Variants in SH3GL3 observed in about 807,000 individuals in gnomAD.
SH3GL3 encodes the protein endophilin-A3.
In SH3GL3, 33 loss-of-function variants were observed where a neutral mutation model predicts 47.7. The observed-to-expected ratio is 0.69, with a 90% CI of 0.52 to 0.92. The LOEUF (loss-of-function observed/expected upper bound fraction) is 0.92. Ranked by LOEUF, SH3GL3 falls within the 40% of genes least tolerant of loss-of-function variation. The pLI is 0.00. For missense variants in SH3GL3, 363 were observed against 417.8 expected (o/e 0.87, Z 1.14); for synonymous variants, 155 against 148.8 (o/e 1.04, Z -0.30).
At chr15:83,613,619 AAATCTATCTATC>A (rs2060728270) in intron 8 of SH3GL3, among the ~76,000 whole-genome samples, 1 of 134,190 alleles carries the variant, frequency 7.5e-6, no homozygotes, top group South Asian at 2.5e-4. Context: ...GGAAATATAT[AAATCTATCTATC>A]TATCTATCTA....
intron 1 of SH3GL3, among the ~76,000 whole-genome samples, chr15:83,558,545 A>G (rs1240285894): frequency 6.6e-6 from 1 of 151,828 alleles, no homozygotes; most frequent in Non-Finnish European, 1.5e-5. Flanking sequence ...GGCCTTTAGC[A>G]AGCAGAGACC....
At chr15:83,494,548 C>CT (rs368373522) in intron 1 of SH3GL3, among the ~76,000 whole-genome samples, 274 of 144,728 alleles carry the variant, frequency 1.9e-3, no homozygotes, top group Middle Eastern at 0.011. Context: ...CTTAGTCCCC[C>CT]TTTTTTTTTT....
chr15:83,586,964 T>C lies in SH3GL3; in HGVS notation c.625-19T>C, dbSNP rs1345009916. 6.1e-6 allele frequency: 9 copies of C among 1,476,260 alleles called. No individual in the cohort carries two copies. The highest frequency in any genetic ancestry group is 7.5e-6 in the Non-Finnish European group (8 of 1,066,556). 91.4% of individuals were successfully genotyped at this position (1,476,260 alleles called of 1,614,324 possible). A position where few individuals can be genotyped will look rare whatever the true frequency, so the allele number is the denominator to read the frequency against. On this transcript the variant is annotated intron_variant, in intron 6 of 8. Transcript: ENST00000427482. ...ACAGGCTCGGGCCTCCATGGAATAA[T>C]TTTGCACTTCTGCTGCAGGTAGAAC...
At chr15:83,464,988 TATAATA>T (rs143393694) in intron 1 of SH3GL3, among the ~76,000 whole-genome samples, 3,733 of 141,506 alleles carry the variant, frequency 0.026, 124 homozygotes, top group African/African-American at 0.081. Context: ...GAACTTAAAG[TATAATA>T]ATAATAATAA....
intron 8 of SH3GL3, among the ~76,000 whole-genome samples, chr15:83,603,621 A>C (rs577056806): frequency 6.6e-6 from 1 of 152,156 alleles, no homozygotes; most frequent in Non-Finnish European, 1.5e-5. Context: ...TGCTTTTCCA[A>C]TGCATTAGGA....
intron 1 of SH3GL3, among the ~76,000 whole-genome samples, chr15:83,513,225 C>T (rs542125274): frequency 1.8e-4 from 28 of 152,246 alleles, no homozygotes; most frequent in Admixed American, 1.2e-3. Flanking sequence ...CGAGCTAGAA[C>T]GAGGTCAAGG....
In SH3GL3 at chr15:83,618,266, G is replaced by C. The variant is rs140344678; in HGVS notation, c.1023G>C (p.Val341=). ...TCTTCCCCATTAATTACGTGGAAGTGATCGTGCCTTTACCTCAGTAAATGT... is the reference window on the plus strand; with the variant it reads ...TCTTCCCCATTAATTACGTGGAAGTCATCGTGCCTTTACCTCAGTAAATGT... ...SGFFPINYVE[V]IVPLPQ Residue 341 remains valine (V), a synonymous_variant, in exon 9 of 9, where the codon GTG becomes GTC. Transcript: ENST00000427482. 5 of 1,608,492 alleles carry C rather than the reference G, an allele frequency of 3.1e-6. No homozygotes were observed. Among genetic ancestry groups the C allele is most frequent in the East Asian group, 4.5e-5 (2 of 44,854 alleles).
Position 83,447,500 on chromosome 15 carries a change from T to G in SH3GL3, c.-34T>G. ...GCGGCCGCGTGGCCCAGCCGAGCCT[T>G]GAGACCACCCCGCCCCTGCCGGTCG... On this transcript the variant is annotated 5_prime_UTR_variant, in exon 1 of 9. Coordinates refer to ENST00000427482, the MANE Select transcript of SH3GL3 (RefSeq NM_003027.5). This position sits in a 1 kb window ranked among gnomAD's most constrained non-coding sequence, Gnocchi z 5.1. 6.7e-7 allele frequency: 1 copy of G among 1,488,474 alleles called. No individual in the cohort carries two copies. The highest frequency in any genetic ancestry group is 1.3e-5 in the South Asian group (1 of 78,028). The allele number at this position is 1,488,474 out of a possible 1,614,324, so 92.2% of individuals were successfully genotyped here. A position where few individuals can be genotyped will look rare whatever the true frequency, so the allele number is the denominator to read the frequency against.
In SH3GL3 at chr15:83,447,753, C is replaced by T. The variant is rs1055696116; in HGVS notation, c.45+175C>T. On this transcript the variant is annotated intron_variant, in intron 1 of 8. Transcript: ENST00000427482. This position sits in a 1 kb window ranked among gnomAD's most constrained non-coding sequence, Gnocchi z 5.1. The stretch of plus-strand genomic sequence containing the variant: ...GGGCCGCCTGCTCTCTCCTCGGCGT[C>T]TTGGCGCCTTCTCCTTCCCATTCCC... Among the ~76,000 whole-genome samples, 1 of 152,194 alleles carries T rather than the reference C, an allele frequency of 6.6e-6. No homozygotes were observed. The highest frequency in any genetic ancestry group is 6.5e-5 in the Admixed American group (1 of 15,278).
chr15:83,460,598 C>T (rs985752532), intron 1 of SH3GL3, among the ~76,000 whole-genome samples: 2 of 152,100 alleles, frequency 1.3e-5, no homozygotes, highest in Non-Finnish European at 2.9e-5. Context: ...ATTTATGGTG[C>T]TTTGTGCTGT....
At chr15:83,607,880 AC>A (rs1194144483) in intron 8 of SH3GL3, among the ~76,000 whole-genome samples, 39 of 147,730 alleles carry the variant, frequency 2.6e-4, no homozygotes, top group Admixed American at 6.2e-4. Flanking sequence ...TAATAATAAT[AC>A]AAACAACAAC....
At chr15:83,565,747 T>A (rs2045504389) in intron 3 of SH3GL3, 1 of 152,166 alleles carries the variant, frequency 6.6e-6, no homozygotes, top group Non-Finnish European at 1.5e-5. Flanking sequence ...TTTCCCAGGT[T>A]GTAAATTATA....
intron 1 of SH3GL3, among the ~76,000 whole-genome samples, chr15:83,473,519 C>T (rs1480954670): frequency 1.3e-5 from 2 of 151,278 alleles, no homozygotes; most frequent in East Asian, 1.9e-4. Context: ...TTGCTTGGTC[C>T]CTTGGCTAGA....
chr15:83,508,319 C>T (rs138066828), intron 1 of SH3GL3, among the ~76,000 whole-genome samples: 1,804 of 152,100 alleles, frequency 0.012, 17 homozygotes, highest in Non-Finnish European at 0.016. Context: ...GAGGTAAGGA[C>T]GCCGGCTATG....
At position 83,576,649 on chromosome 15, in the gene SH3GL3, A is replaced by T. The variant is rs2059688942; in HGVS notation, c.532A>T (p.Ile178Leu). The change falls in exon 6 of 9, where the codon ATA becomes TTA. Residue 178 changes from isoleucine (I) to leucine (L), a missense_variant. Transcript: ENST00000427482. ...TTATAAAAAGAAACGAGTAGGTAAGATACCAGACGAAGAAGTCAGACAAGC... is the reference window on the plus strand; with the variant it reads ...TTATAAAAAGAAACGAGTAGGTAAGTTACCAGACGAAGAAGTCAGACAAGC... ...YDYKKKRVGK[I>L]PDEEVRQAVE... is the part of the protein sequence containing the mutation. 1 of 1,613,788 alleles carries T rather than the reference A, an allele frequency of 6.2e-7. No individual in the cohort carries two copies. Among genetic ancestry groups the T allele is most frequent in the South Asian group, 1.1e-5 (1 of 91,070 alleles).
intron 1 of SH3GL3, among the ~76,000 whole-genome samples, chr15:83,474,199 A>G (rs189473036): frequency 7.2e-5 from 11 of 152,270 alleles, no homozygotes; most frequent in African/African-American, 1.4e-4. Flanking sequence ...GTTTATCCCT[A>G]TGGTATCCCA....
intron 1 of SH3GL3, among the ~76,000 whole-genome samples, chr15:83,507,423 A>ATT (rs879316826): frequency 6.9e-6 from 1 of 144,526 alleles, no homozygotes; most frequent in Non-Finnish European, 1.5e-5. Flanking sequence ...TATTATTATT[A>ATT]TTTTTTTTTT....
At chr15:83,476,440 G>T (rs1596056585) in intron 1 of SH3GL3, among the ~76,000 whole-genome samples, 1 of 152,326 alleles carries the variant, frequency 6.6e-6, no homozygotes, top group South Asian at 2.1e-4. Context: ...ATTGGAGCCA[G>T]ATGTCACCTG....
intron 1 of SH3GL3, among the ~76,000 whole-genome samples, chr15:83,556,182 CT>C (rs5814153): frequency 0.68 from 103,529 of 152,104 alleles, 35,859 homozygotes; most frequent in Non-Finnish European, 0.74. Context: ...TCACGTCTAT[CT>C]TTTTTTATCT....
Sources: allele counts gnomAD v4.1 joint callset (sites outside exome capture counted in the v4.1 genomes callset), GRCh38; gene constraint gnomAD v4.1.1; non-coding constraint Gnocchi (gnomAD v3.1); transcripts MANE v1.5; gene names NCBI Gene and HGNC (gene_info 2026-07-23, HGNC 2026-07-21).